The following PURG variants were observed in gnomAD, a reference collection of about 807,000 sequenced individuals.
The protein encoded by PURG is purine-rich element-binding protein gamma.
A neutral mutation model predicts 24.3 loss-of-function variants in PURG; 3 were observed. The observed-to-expected ratio is 0.12, with a 90% confidence interval of 0.06 to 0.32. PURG has a LOEUF of 0.32. Among genes scored for constraint, PURG ranks in the 10% least tolerant of loss-of-function variants. The probability of loss-of-function intolerance (pLI) is 1.00; values close to 1 mark genes in which losing one functional copy is unlikely to be tolerated. For synonymous variants in PURG, 180 were observed against 173.1 expected (o/e 1.04, Z -0.31); for missense variants, 371 against 439.1 (o/e 0.84, Z 1.39).
At position 31,032,582 on chromosome 8, in the gene PURG, G is replaced by T. The variant is rs1426179949; in HGVS notation, c.201C>A (p.Ile67=). The T allele has an allele frequency of 3.7e-6, 6 of 1,612,408 alleles. No individual in the cohort carries two copies. Among genetic ancestry groups the T allele is most frequent in the Non-Finnish European group, 5.1e-6 (6 of 1,178,682 alleles). ...CGTCTAGGTAAAACCTCTTTTTCTG[G>T]ATGTCCACTCGTTTGGAGGCCAGCT... ...IQELASKRVD[I]QKKRFYLDVK... Residue 67 remains isoleucine (I), a synonymous_variant, in exon 2 of 2, where the codon ATC becomes ATA. Transcript: ENST00000523392. This position sits in a 1 kb window ranked among gnomAD's most constrained non-coding sequence, Gnocchi z 5.9.
At chr8:31,006,615 C>A (rs1311378218) in intron 1 of PURG, among the ~76,000 whole-genome samples, 1 of 152,180 alleles carries the variant, frequency 6.6e-6, no homozygotes, top group African/African-American at 2.4e-5. Flanking sequence ...AAGTGAAACA[C>A]ACCAAAGGCT....
At chr8:31,005,445 A>AAAAAAG (rs1554511616) in intron 1 of PURG, among the ~76,000 whole-genome samples, 69 of 151,820 alleles carry the variant, frequency 4.5e-4, no homozygotes, top group East Asian at 3.3e-3. Context: ...AAACAAAAAA[A>AAAAAAG]AAAAGAAAAG....
At chr8:30,997,636 GT>G (rs961863358) in intron 1 of PURG, among the ~76,000 whole-genome samples, 2 of 151,724 alleles carry the variant, frequency 1.3e-5, no homozygotes, top group Non-Finnish European at 3.0e-5. Context: ...AGAAAAATGT[GT>G]TTTTGTAAAA....
Position 31,032,030 on chromosome 8 carries a change from TC to T in PURG, c.752del (p.Arg251GlnfsTer37). ...EDYGEGDIEE[R>X]RGGDDDPLEL... Reference sequence around the variant, plus strand: ...CAAGCGGGTCATCGTCTCCACCTCTTCGTTCTTCTATGTCTCCTTCGCCATA... The same window carrying T: ...CAAGCGGGTCATCGTCTCCACCTCTTGTTCTTCTATGTCTCCTTCGCCATA... On this transcript the variant is annotated frameshift_variant, in exon 2 of 2. Transcript: ENST00000523392. LOFTEE classifies it high-confidence loss of function. This position sits in a 1 kb window ranked among gnomAD's most constrained non-coding sequence, Gnocchi z 5.9. 6.2e-7 allele frequency: 1 copy of T among 1,614,128 alleles called. No homozygotes were observed. The highest frequency in any genetic ancestry group is 8.5e-7 in the Non-Finnish European group (1 of 1,180,008).
chr8:31,021,372 C>T (rs1420160097), intron 1 of PURG, among the ~76,000 whole-genome samples: 1 of 152,056 alleles, frequency 6.6e-6, no homozygotes, highest in Non-Finnish European at 1.5e-5. Flanking sequence ...TGATCTGATC[C>T]CTTTAAAAAG....
rs1052291379 is a variant in PURG at position 31,030,894 on chromosome 8, T to C, written c.*845A>G. 1 of 152,228 alleles carries C rather than the reference T, an allele frequency of 6.6e-6. No homozygotes were observed. Among genetic ancestry groups the C allele is most frequent in the African/African-American group, 2.4e-5 (1 of 41,418 alleles). The allele number at this position is 152,228 out of a possible 1,614,324, so 9.4% of individuals were successfully genotyped here. On this transcript the variant is annotated 3_prime_UTR_variant, in exon 2 of 2. Coordinates refer to ENST00000523392, the MANE Select transcript of PURG (RefSeq NM_001323311.2). ...TGGGGAAGAAACCTCTTGCAATCTT[T>C]AAATTAGCATGAAAAGCTACACCAC...
chr8:31,029,312 T>C (rs1236481472), downstream of PURG, among the ~76,000 whole-genome samples: 1 of 151,774 alleles, frequency 6.6e-6, no homozygotes, highest in African/African-American at 2.4e-5. Flanking sequence ...ATCTGCAGCT[T>C]TGAGATGGTA....
rs1475661876 is a variant in PURG at position 31,033,301 on chromosome 8, G to T, written c.-230C>A. The T allele has an allele frequency of 3.1e-5, 5 of 160,126 alleles. No homozygotes were observed. The highest frequency in any genetic ancestry group is 1.8e-4 in the South Asian group (1 of 5,652). 9.9% of individuals were successfully genotyped at this position (160,126 alleles called of 1,614,324 possible). On this transcript the variant is annotated 5_prime_UTR_variant, in exon 1 of 2. Coordinates refer to ENST00000523392, the MANE Select transcript of PURG (RefSeq NM_001323311.2). The stretch of plus-strand genomic sequence containing the variant: ...GCGGCCGCTGCGGGGGCCGCCGCCT[G>T]ACTTCGGACACCGGCCCCGCACCCG...
chr8:31,019,544 G>C (rs1036702120), intron 1 of PURG, among the ~76,000 whole-genome samples: 3 of 151,430 alleles, frequency 2.0e-5, no homozygotes, highest in African/African-American at 4.8e-5. Flanking sequence ...TGTAGGTCAA[G>C]CTGATCTTGA....
At chr8:31,019,706 T>C (rs1270980275) in intron 1 of PURG, among the ~76,000 whole-genome samples, 1 of 151,028 alleles carries the variant, frequency 6.6e-6, no homozygotes, top group African/African-American at 2.4e-5. Flanking sequence ...TAATTTTTTG[T>C]ATTTTTAGTA....
intron 1 of PURG, among the ~76,000 whole-genome samples, chr8:31,019,162 T>A (rs540343804): frequency 3.0e-3 from 23 of 7,690 alleles, no homozygotes; most frequent in East Asian, 0.014. Context: ...AAAAAAAAAA[T>A]ATATATATAT....
chr8:31,007,709 C>T (rs1040462609), intron 1 of PURG, among the ~76,000 whole-genome samples: 2 of 152,138 alleles, frequency 1.3e-5, no homozygotes, highest in East Asian at 3.9e-4. Flanking sequence ...AGGCAAAAAA[C>T]CATCAAAATC....
chr8:31,014,901 G>A (rs550510610), intron 1 of PURG, among the ~76,000 whole-genome samples: 8 of 152,262 alleles, frequency 5.3e-5, no homozygotes, highest in Non-Finnish European at 8.8e-5. Context: ...ACCTCCCCCT[G>A]TAAATCAGTG....
chr8:31,019,023 C>G (rs937290803), intron 1 of PURG, among the ~76,000 whole-genome samples: 3 of 140,328 alleles, frequency 2.1e-5, no homozygotes, highest in African/African-American at 8.0e-5. Flanking sequence ...ACTCGGGAGG[C>G]TGAGGCAGGA....
At chr8:31,010,092 G>A (rs979416136) in intron 1 of PURG, among the ~76,000 whole-genome samples, 1 of 151,916 alleles carries the variant, frequency 6.6e-6, no homozygotes, top group Non-Finnish European at 1.5e-5. Flanking sequence ...GCAAGACCCT[G>A]TCTTGAAAAA....
chr8:31,009,608 C>T (rs1810727678), intron 1 of PURG, among the ~76,000 whole-genome samples: 1 of 152,132 alleles, frequency 6.6e-6, no homozygotes, highest in South Asian at 2.1e-4. Context: ...GCTTTTAATC[C>T]TATTGAAATG....
At chr8:31,019,327 A>ATTTTT (rs771463137) in intron 1 of PURG, among the ~76,000 whole-genome samples, 3 of 78,928 alleles carry the variant, frequency 3.8e-5, no homozygotes, top group Admixed American at 1.6e-4. Context: ...AACACCTCTA[A>ATTTTT]TTTTTTTTTT....
chr8:31,032,670 T>C lies in PURG; in HGVS notation c.113A>G (p.His38Arg). 3.9e-6 allele frequency: 6 copies of C among 1,557,414 alleles called. No individual in the cohort carries two copies. The highest frequency in any genetic ancestry group is 1.2e-5 in the South Asian group (1 of 81,974). The change falls in exon 2 of 2, where the codon CAC becomes CGC. Residue 38 changes from histidine to arginine, a missense_variant. By Grantham distance (29) the His-to-Arg change is conservative (BLOSUM62 0). This residue lies in a region of PURG where 213 missense variants were observed against 230.6 expected (regional missense o/e 0.92). Coordinates refer to ENST00000523392, the MANE Select transcript of PURG (RefSeq NM_001323311.2). This position sits in a 1 kb window ranked among gnomAD's most constrained non-coding sequence, Gnocchi z 5.9. ...SRLYPQAQHS[H>R]YPHYAASATP... ...GGCTGAGGCCGCGTAGTGGGGGTAGTGGGAGTGCTGGGCCTGGGGATAGAG... is the reference window on the plus strand; with the variant it reads ...GGCTGAGGCCGCGTAGTGGGGGTAGCGGGAGTGCTGGGCCTGGGGATAGAG...
At chr8:30,996,513 C>A in exon 2 of PURG, 1 of 1,016,422 alleles carries the variant, frequency 9.8e-7, no homozygotes, top group South Asian at 1.4e-5. Context: ...AGTACTGAGG[C>A]CTTACATTCA....
Sources: allele counts gnomAD v4.1 joint callset (sites outside exome capture counted in the v4.1 genomes callset), GRCh38; gene constraint gnomAD v4.1.1; regional missense constraint gnomAD v4.1.1; non-coding constraint Gnocchi (gnomAD v3.1); transcripts MANE v1.5; gene names NCBI Gene and HGNC (gene_info 2026-07-23, HGNC 2026-07-21).